Variants in UNK observed in about 807,000 individuals in gnomAD.
The protein encoded by UNK is unk zinc finger.
A neutral mutation model predicts 97.6 loss-of-function variants in UNK; 32 were observed. That is an observed-to-expected ratio of 0.33 (90% CI 0.25 to 0.44). The LOEUF is 0.44. Ranked by LOEUF, UNK falls within the 20% of genes least tolerant of loss-of-function variation. The pLI is 1.00. For missense variants in UNK, 771 were observed against 1,098.4 expected (o/e 0.70, Z 4.21); for synonymous variants, 441 against 461.2 (o/e 0.96, Z 0.56).
chr17:75,802,040 G>T (rs140697275), intron 1 of UNK, among the ~76,000 whole-genome samples: 1 of 151,898 alleles, frequency 6.6e-6, no homozygotes, highest in Non-Finnish European at 1.5e-5. Context: ...GTAGAGATGG[G>T]ATTCTCCATG....
Position 75,824,399 on chromosome 17 carries a change from C to T in UNK, c.2415C>T (p.Ala805=). Residue 805 remains alanine, a synonymous_variant, in exon 16 of 16, where the codon GCC becomes GCT. Coordinates refer to ENST00000589666, the MANE Select transcript of UNK (RefSeq NM_001080419.3). The surrounding 1 kb of genome is among the most constrained non-coding windows in gnomAD (Gnocchi z 4.9). ...GCCCCATCTGCCAGCCTGGCCGGGC[C>T]CACACCCTCCAGTCGTGACCCTGCA... ...SECPICQPGR[A]HTLQS 6.4e-7 allele frequency: 1 copy of T among 1,555,354 alleles called. No homozygotes were observed. The highest frequency in any genetic ancestry group is 8.7e-7 in the Non-Finnish European group (1 of 1,154,340).
rs1014989483 is a variant in UNK, at chr17:75,803,048, G to T, written c.105-6712G>T. Reference sequence around the variant, plus strand: ...GAGGCCAAGGTGGGCGGATCACGAGGTCAGGAGATTGAGACCACCCTGGCC... The same window carrying T: ...GAGGCCAAGGTGGGCGGATCACGAGTTCAGGAGATTGAGACCACCCTGGCC... On this transcript the variant is annotated intron_variant, in intron 1 of 15. Coordinates refer to ENST00000589666, the MANE Select transcript of UNK (RefSeq NM_001080419.3). 1.2e-4 allele frequency among the ~76,000 whole-genome samples: 9 copies of T among 76,192 alleles called. No individual in the cohort carries two copies. In the African/African-American group the frequency reaches 1.8e-3, roughly 15 times the overall value. 50.0% of individuals were successfully genotyped at this position (76,192 alleles called of 152,430 possible).
chr17:75,798,192 T>C (rs1432946908), intron 1 of UNK, among the ~76,000 whole-genome samples: 1 of 151,020 alleles, frequency 6.6e-6, no homozygotes, highest in Non-Finnish European at 1.5e-5. Flanking sequence ...TGCCTCAGCC[T>C]CCCGAGTAGC....
At chr17:75,823,089 T>G (rs1371310893) in intron 14 of UNK, among the ~76,000 whole-genome samples, 176 bp from the exon 15 acceptor site, 1 of 152,214 alleles carries the variant, frequency 6.6e-6, no homozygotes, top group African/African-American at 2.4e-5. Flanking sequence ...GAGAGTCTCC[T>G]GCAGGTTCTG....
chr17:75,806,298 CA>C (rs60027761), intron 1 of UNK, among the ~76,000 whole-genome samples: 16,730 of 141,328 alleles, frequency 0.12, 1,812 homozygotes, highest in East Asian at 0.38. Context: ...ACTAAAAATA[CA>C]AAAAAAAAAA....
intron 7 of UNK, among the ~76,000 whole-genome samples, chr17:75,815,849 G>A (rs1306627624): frequency 7.0e-6 from 1 of 141,868 alleles, no homozygotes; most frequent in East Asian, 2.0e-4. Flanking sequence ...TCATGCCGCC[G>A]CACTCCAGCC....
rs372706399 is a variant in UNK at position 75,824,281 on chromosome 17, C to T, written c.2297C>T (p.Ser766Leu). The T allele has an allele frequency of 1.9e-6, 3 of 1,600,834 alleles. No individual in the cohort carries two copies. The highest frequency in any genetic ancestry group is 4.6e-5 in the East Asian group (2 of 43,396). The change falls in exon 16 of 16, where the codon TCG (serine) becomes TTG (leucine). Residue 766 changes from serine to leucine, a missense_variant. Coordinates refer to ENST00000589666, the MANE Select transcript of UNK (RefSeq NM_001080419.3). This position sits in a 1 kb window ranked among gnomAD's most constrained non-coding sequence, Gnocchi z 4.9. ...CTGCAGGCCGTGTTCCACATGCAGT[C>T]GGTGAAATGCCTTAAGTGTCAGGAA... ...QVDKAVFHMQSVKCLKCQEQK... is the reference protein window; with the variant it reads ...QVDKAVFHMQLVKCLKCQEQK...
At position 75,818,773 on chromosome 17, in the gene UNK, T is replaced by C; in HGVS notation, c.1503T>C (p.Ala501=). 3 of 1,612,234 alleles carry C rather than the reference T, an allele frequency of 1.9e-6. No homozygotes were observed. Among genetic ancestry groups the C allele is most frequent in the South Asian group, 1.1e-5 (1 of 90,746 alleles). Residue 501 remains alanine, a synonymous_variant, in exon 11 of 16, where the codon GCT becomes GCC. Transcript: ENST00000589666. The surrounding 1 kb of genome is among the most constrained non-coding windows in gnomAD (Gnocchi z 5.1). ...TSSVPGMNAN[A]LPFYPTSDTV... is the part of the protein sequence containing the mutation. ...GCGTCCCCGGCATGAATGCAAACGC[T>C]CTGCCCTTCTACCCCACCAGCGACA... is the stretch of plus-strand genomic sequence containing the variant.
rs545777521 is a variant in UNK, at chr17:75,784,867, A to T, written c.-14A>T. On this transcript the variant is annotated 5_prime_UTR_variant, in exon 1 of 16. Transcript: ENST00000589666. ...AATAAAAGGGGAGCGGCGAAGAGGC[A>T]GGAAGACAAGACCATGTCGAAGGGC... 6.2e-7 allele frequency: 1 copy of T among 1,602,876 alleles called. No individual in the cohort carries two copies. The highest frequency in any genetic ancestry group is 1.1e-5 in the South Asian group (1 of 90,196).
rs111641454 is a variant in UNK at position 75,799,336 on chromosome 17, A to G, written c.105-10424A>G. On this transcript the variant is annotated intron_variant, in intron 1 of 15. Coordinates refer to ENST00000589666, the MANE Select transcript of UNK (RefSeq NM_001080419.3). ...AGTTAATCTGTAATGGTCTCTGCAC[A>G]TTCCCAGCACCAATGACAAAAGAGC... Among the ~76,000 whole-genome samples, 1,276 of 152,260 alleles carry G rather than the reference A, an allele frequency of 8.4e-3. 14 individuals carry two copies. Among genetic ancestry groups the G allele is most frequent in the Middle Eastern group, 0.031 (9 of 294 alleles).
In UNK at chr17:75,818,851, T is replaced by C; in HGVS notation, c.1546+35T>C. The C allele has an allele frequency of 6.5e-7, 1 of 1,529,508 alleles. No individual in the cohort carries two copies. The highest frequency in any genetic ancestry group is 8.8e-7 in the Non-Finnish European group (1 of 1,134,072). The allele number at this position is 1,529,508 out of a possible 1,614,324, so 94.7% of individuals were successfully genotyped here. ...CCATTTCTGTTTGAAAGCCCAGGAC[T>C]GGGTCTGGGGTCAGAGACCCCCCAG... On this transcript the variant is annotated intron_variant, in intron 11 of 15. Transcript: ENST00000589666. This position sits in a 1 kb window ranked among gnomAD's most constrained non-coding sequence, Gnocchi z 5.1.
Position 75,818,870 on chromosome 17 carries a change from C to T in UNK, c.1546+54C>T, listed in dbSNP as rs2062040973. 7 of 1,473,902 alleles carry T rather than the reference C, an allele frequency of 4.7e-6. No homozygotes were observed. The highest frequency in any genetic ancestry group is 6.3e-6 in the Non-Finnish European group (7 of 1,106,594). The allele number at this position is 1,473,902 out of a possible 1,614,324, so 91.3% of individuals were successfully genotyped here. The stretch of plus-strand genomic sequence containing the variant: ...CAGGACTGGGTCTGGGGTCAGAGAC[C>T]CCCCAGTCTCTGAAGCGAGTCTCAA... On this transcript the variant is annotated intron_variant, in intron 11 of 15. Coordinates refer to ENST00000589666, the MANE Select transcript of UNK (RefSeq NM_001080419.3). This position sits in a 1 kb window ranked among gnomAD's most constrained non-coding sequence, Gnocchi z 5.1.
At chr17:75,797,257 A>G (rs2061814322) in intron 1 of UNK, among the ~76,000 whole-genome samples, 1 of 152,092 alleles carries the variant, frequency 6.6e-6, no homozygotes, top group South Asian at 2.1e-4. Context: ...TGTTTTTGAG[A>G]TGGAGTTTCA....
chr17:75,809,193 C>T (rs1015294745), intron 1 of UNK, among the ~76,000 whole-genome samples: 3 of 152,100 alleles, frequency 2.0e-5, no homozygotes, highest in African/African-American at 7.2e-5. Flanking sequence ...TGGGCGGAGG[C>T]GGGCAGACAG....
intron 5 of UNK, 132 bp downstream of exon 5, chr17:75,813,345 G>A (rs957014430): frequency 7.8e-7 from 1 of 1,290,022 alleles, no homozygotes. Flanking sequence ...CAAGCCCAGG[G>A]CCCAGGGGAG....
chr17:75,818,577 G>C lies in UNK; in HGVS notation c.1372-65G>C. 6.6e-7 allele frequency: 1 copy of C among 1,512,160 alleles called. No individual in the cohort carries two copies. The highest frequency in any genetic ancestry group is 1.3e-5 in the South Asian group (1 of 77,272). The allele number at this position is 1,512,160 out of a possible 1,614,324, so 93.7% of individuals were successfully genotyped here. A position where few individuals can be genotyped will look rare whatever the true frequency, so the allele number is the denominator to read the frequency against. On this transcript the variant is annotated intron_variant, in intron 10 of 15. Coordinates refer to ENST00000589666, the MANE Select transcript of UNK (RefSeq NM_001080419.3). The surrounding 1 kb of genome is among the most constrained non-coding windows in gnomAD (Gnocchi z 5.1). The stretch of plus-strand genomic sequence containing the variant: ...TTCCCTTGCCCCCAGCCCCTCTCCA[G>C]CCTCTCGTCCTGGCCTCCGTATGCA...
At chr17:75,821,233 CTT>C (rs1415742276) in intron 13 of UNK, 1 of 361,136 alleles carries the variant, frequency 2.8e-6, no homozygotes, top group African/African-American at 2.1e-5. Context: ...GGCGTCTAGA[CTT>C]AGCTCCACTT....
intron 1 of UNK, among the ~76,000 whole-genome samples, chr17:75,802,598 A>G (rs1486305684): frequency 6.6e-6 from 1 of 152,066 alleles, no homozygotes; most frequent in Non-Finnish European, 1.5e-5. Context: ...AAGAATTAAA[A>G]CTACATTTTT....
chr17:75,813,985 G>T, intron 6 of UNK, 107 bp downstream of exon 6: 1 of 995,484 alleles, frequency 1.0e-6, no homozygotes, highest in South Asian at 1.7e-5. Context: ...TCCTGGAAGA[G>T]GGACTTGTGG....
Sources: gnomAD v4.1 joint callset for allele counts (sites outside exome capture counted in the v4.1 genomes callset) on GRCh38, gnomAD v4.1.1 for gene constraint, Gnocchi (gnomAD v3.1) non-coding constraint, MANE v1.5 for transcripts, NCBI Gene and HGNC (gene_info 2026-07-23, HGNC 2026-07-21) for gene names.